The following PRKAG2 variants were observed in gnomAD, a reference collection of about 807,000 sequenced individuals.
The protein encoded by PRKAG2 is protein kinase AMP-activated non-catalytic subunit gamma 2.
In PRKAG2, 26 loss-of-function variants were observed where a neutral mutation model predicts 69.6. That is an observed-to-expected ratio of 0.37 (90% CI 0.27 to 0.52). The LOEUF (loss-of-function observed/expected upper bound fraction) is 0.52, where lower values mean the gene tolerates loss of function less well. Ranked by LOEUF, PRKAG2 falls within the 20% of genes least tolerant of loss-of-function variation. The pLI is 0.90. For synonymous variants in PRKAG2, 293 were observed against 285.0 expected (o/e 1.03, Z -0.28); for missense variants, 557 against 740.0 (o/e 0.75, Z 2.87).
intron 3 of PRKAG2, among the ~76,000 whole-genome samples, chr7:151,727,290 G>C (rs1160737682): frequency 2.0e-5 from 3 of 152,174 alleles, no homozygotes; most frequent in African/African-American, 7.2e-5. Context: ...AGGCAGACCT[G>C]CCTGTGGGGG....
rs1439146917 is a variant in PRKAG2, at chr7:151,807,121, G to A, written c.115-20580C>T. 2.6e-6 allele frequency: 1 copy of A among 380,640 alleles called. No individual in the cohort carries two copies. The highest frequency in any genetic ancestry group is 5.2e-6 in the Non-Finnish European group (1 of 193,444). The allele number at this position is 380,640 out of a possible 1,614,324, so 23.6% of individuals were successfully genotyped here. ...AAGGGTCAGAGGGACCTTGTGGAGT[G>A]GTGGAAATGTTCCAGATCACACTGT... On this transcript the variant is annotated intron_variant, in intron 1 of 15. Coordinates refer to ENST00000287878, the MANE Select transcript of PRKAG2 (RefSeq NM_016203.4). This position sits in a 1 kb window ranked among gnomAD's most constrained non-coding sequence, Gnocchi z 4.4.
chr7:151,612,554 C>G (rs1311509319), intron 5 of PRKAG2, among the ~76,000 whole-genome samples: 1 of 152,206 alleles, frequency 6.6e-6, no homozygotes, highest in Non-Finnish European at 1.5e-5. Context: ...TCCACCTGTT[C>G]TGTCCCATCA....
In PRKAG2 at chr7:151,564,227, G is replaced by T. The variant is rs773864390; in HGVS notation, c.1438-3C>A. ...TATGTTTTCTCAGCAGCAAGATTCT[G>T]TAATGAAGCAAGAGAATAAATTATA... On this transcript the variant is annotated splice_region_variant and splice_polypyrimidine_tract_variant and intron_variant, in intron 13 of 15. Transcript: ENST00000287878. The T allele has an allele frequency of 4.3e-6, 7 of 1,614,028 alleles. No homozygotes were observed. Among genetic ancestry groups the T allele is most frequent in the South Asian group, 1.1e-5 (1 of 91,078 alleles).
At chr7:151,661,896 C>T (rs1224717413) in intron 4 of PRKAG2, among the ~76,000 whole-genome samples, 3 of 152,186 alleles carry the variant, frequency 2.0e-5, no homozygotes, top group East Asian at 1.9e-4. Flanking sequence ...AAGGATACCT[C>T]GCCAGCTAAA....
intron 3 of PRKAG2, among the ~76,000 whole-genome samples, chr7:151,692,097 A>T (rs1274713984): frequency 6.6e-6 from 1 of 152,134 alleles, no homozygotes; most frequent in Admixed American, 6.5e-5. Context: ...CTGAGGTGTG[A>T]GGATTACTTA....
intron 4 of PRKAG2, among the ~76,000 whole-genome samples, chr7:151,660,699 T>C (rs1298533439): frequency 6.6e-6 from 1 of 152,268 alleles, no homozygotes; most frequent in Non-Finnish European, 1.5e-5. Context: ...GCTAAGTTGC[T>C]GAACAGTCTC....
At chr7:151,602,494 G>A (rs1429564524) in intron 5 of PRKAG2, among the ~76,000 whole-genome samples, 2 of 152,176 alleles carry the variant, frequency 1.3e-5, no homozygotes, top group Non-Finnish European at 2.9e-5. Context: ...AAATCTGTAA[G>A]TTTGGTGTTA....
chr7:151,691,784 T>C (rs892386103), intron 3 of PRKAG2, among the ~76,000 whole-genome samples: 1 of 152,224 alleles, frequency 6.6e-6, no homozygotes, highest in Admixed American at 6.5e-5. Context: ...AAACATACAT[T>C]TACCATACAA....
At chr7:151,585,884 G>T (rs912764594) in intron 6 of PRKAG2, among the ~76,000 whole-genome samples, 2 of 152,214 alleles carry the variant, frequency 1.3e-5, no homozygotes, top group African/African-American at 2.4e-5. Context: ...ACGGGTGGGC[G>T]GGTGAGTCAG....
At chr7:151,712,979 G>A (rs987181981) in intron 3 of PRKAG2, among the ~76,000 whole-genome samples, 14 of 152,216 alleles carry the variant, frequency 9.2e-5, no homozygotes, top group African/African-American at 3.1e-4. Context: ...CTGTGTGCTT[G>A]GAACGTGCCA....
At chr7:151,750,770 A>C (rs1269921506) in intron 3 of PRKAG2, among the ~76,000 whole-genome samples, 2 of 152,070 alleles carry the variant, frequency 1.3e-5, no homozygotes, top group Non-Finnish European at 2.9e-5. Flanking sequence ...CGTCCCAGCT[A>C]CTAAGGAGGC....
At chr7:151,865,897 G>A (rs934988355) in intron 1 of PRKAG2, among the ~76,000 whole-genome samples, 4 of 151,942 alleles carry the variant, frequency 2.6e-5, no homozygotes, top group Non-Finnish European at 2.9e-5. Flanking sequence ...GCGGGCGCCC[G>A]TAGACCCAGC....
intron 2 of PRKAG2, among the ~76,000 whole-genome samples, chr7:151,782,799 C>T (rs957470311): frequency 6.6e-6 from 1 of 152,228 alleles, no homozygotes; most frequent in African/African-American, 2.4e-5. Flanking sequence ...GGCCAGGAAG[C>T]ACACGGTGCG....
rs79175010 is a variant in PRKAG2, at chr7:151,674,644, G to A, written c.684+776C>T. 4.1e-4 allele frequency among the ~76,000 whole-genome samples: 62 copies of A among 152,302 alleles called. 1 individual carries two copies. The East Asian group carries it at 0.011, about 27-fold the overall frequency. On this transcript the variant is annotated intron_variant, in intron 4 of 15. Transcript: ENST00000287878. ...TCAGGAAGTGCTGGAGGCTGCACAC[G>A]TCTGTCGCTCCATCCCACTCCTCTA...
intron 5 of PRKAG2, among the ~76,000 whole-genome samples, chr7:151,607,897 T>G (rs529317158): frequency 2.3e-4 from 35 of 152,262 alleles, no homozygotes; most frequent in Non-Finnish European, 2.5e-4. Context: ...ACAGGTCCAC[T>G]GGAAACATCA....
intron 3 of PRKAG2, among the ~76,000 whole-genome samples, chr7:151,709,163 T>C (rs548326863): frequency 2.6e-5 from 4 of 152,172 alleles, no homozygotes; most frequent in African/African-American, 9.6e-5. Context: ...CTGTATGACA[T>C]TGAGTGACAC....
chr7:151,557,112 T>TA lies in PRKAG2; in HGVS notation c.*88dup. On this transcript the variant is annotated 3_prime_UTR_variant, in exon 16 of 16. Transcript: ENST00000287878. ...ATTGTTAAACCCTGATATACATTCTTAACCACTTGCAGCCAGTGTTCATGA... is the reference window on the plus strand; with the variant it reads ...ATTGTTAAACCCTGATATACATTCTTAAACCACTTGCAGCCAGTGTTCATGA... The TA allele has an allele frequency of 6.3e-7, 1 of 1,588,012 alleles. No homozygotes were observed. Among genetic ancestry groups the TA allele is most frequent in the Non-Finnish European group, 8.6e-7 (1 of 1,156,390 alleles).
At chr7:151,693,322 C>T (rs535862138) in intron 3 of PRKAG2, among the ~76,000 whole-genome samples, 4 of 152,184 alleles carry the variant, frequency 2.6e-5, no homozygotes, top group Middle Eastern at 3.4e-3. Context: ...GAGGGGCGCA[C>T]GAGGGGTTCC....
chr7:151,573,202 G>A (rs1204531192), intron 8 of PRKAG2, among the ~76,000 whole-genome samples: 1 of 151,002 alleles, frequency 6.6e-6, no homozygotes, highest in Non-Finnish European at 1.5e-5. Flanking sequence ...CTGTCATCCG[G>A]GCTGGAGTGC....
Sources: gnomAD v4.1 joint callset for allele counts (sites outside exome capture counted in the v4.1 genomes callset) on GRCh38, gnomAD v4.1.1 for gene constraint, Gnocchi (gnomAD v3.1) non-coding constraint, MANE v1.5 for transcripts, NCBI Gene and HGNC (gene_info 2026-07-23, HGNC 2026-07-21) for gene names.